The following FRMD4A variants were observed in gnomAD, a reference collection of about 807,000 sequenced individuals.
FRMD4A encodes the protein FERM domain-containing protein 4A.
In FRMD4A, 29 loss-of-function variants were observed where a neutral mutation model predicts 129.1. The observed-to-expected ratio is 0.22, with a 90% confidence interval of 0.17 to 0.31. The LOEUF is 0.31. FRMD4A is among the 10% of genes least tolerant of loss of function. The pLI is 1.00. For missense variants in FRMD4A, 1,272 were observed against 1,375.8 expected (o/e 0.92, Z 1.19); for synonymous variants, 634 against 571.6 (o/e 1.11, Z -1.56).
chr10:14,182,308 G>C (rs754959957), intron 2 of FRMD4A, among the ~76,000 whole-genome samples: 11 of 152,210 alleles, frequency 7.2e-5, no homozygotes, highest in Non-Finnish European at 1.0e-4. Flanking sequence ...CGGAGGCTCA[G>C]GCAATGAAAT....
At chr10:13,693,402 A>G (rs943089) in intron 15 of FRMD4A, 411,319 of 509,542 alleles carry the variant, frequency 0.81, 170,167 homozygotes, top group Non-Finnish European at 0.86. Flanking sequence ...CGCAATTTCA[A>G]AAGGCACTGA....
At chr10:14,041,933 C>T (rs931336030) in intron 2 of FRMD4A, among the ~76,000 whole-genome samples, 15 of 152,150 alleles carry the variant, frequency 9.9e-5, no homozygotes, top group African/African-American at 1.7e-4. Context: ...GTGACTGAAA[C>T]GAGCACAGGG....
At chr10:13,850,941 G>T (rs1394285944) in intron 3 of FRMD4A, among the ~76,000 whole-genome samples, 1 of 152,260 alleles carries the variant, frequency 6.6e-6, no homozygotes, top group East Asian at 1.9e-4. Context: ...TAGGCCAGGT[G>T]TAGTGGCTCA....
intron 3 of FRMD4A, among the ~76,000 whole-genome samples, chr10:13,814,013 G>T (rs957105817): frequency 1.3e-5 from 2 of 152,180 alleles, no homozygotes; most frequent in Admixed American, 1.3e-4. Context: ...TTTTGGGTTT[G>T]CCCTTGAGGC....
At chr10:13,954,348 G>A (rs1310811799) in intron 2 of FRMD4A, among the ~76,000 whole-genome samples, 2 of 152,186 alleles carry the variant, frequency 1.3e-5, no homozygotes, top group African/African-American at 2.4e-5. Context: ...AAGGCAAAAG[G>A]CATGTCTTAC....
intron 2 of FRMD4A, among the ~76,000 whole-genome samples, chr10:14,280,821 ATAT>A (rs1316626594): frequency 6.6e-6 from 1 of 151,906 alleles, no homozygotes; most frequent in Admixed American, 6.6e-5. Flanking sequence ...TTCTCTATTG[ATAT>A]TGTTGTTGTT....
chr10:14,142,353 A>C (rs969039760), intron 2 of FRMD4A, among the ~76,000 whole-genome samples: 1 of 152,202 alleles, frequency 6.6e-6, no homozygotes, highest in Non-Finnish European at 1.5e-5. Flanking sequence ...ACTGTCAGGC[A>C]ATTTAAGCAG....
At chr10:13,814,644 A>G (rs1323351266) in intron 3 of FRMD4A, among the ~76,000 whole-genome samples, 2 of 151,150 alleles carry the variant, frequency 1.3e-5, no homozygotes. Flanking sequence ...AAAAAGAAAG[A>G]AAGAAAGAGA....
intron 15 of FRMD4A, among the ~76,000 whole-genome samples, chr10:13,676,936 A>T (rs1464751158): frequency 1.3e-5 from 2 of 152,182 alleles, no homozygotes; most frequent in African/African-American, 2.4e-5. Context: ...ATTTTAGTAA[A>T]CAGATGAGAG....
chr10:14,114,845 C>T (rs746836439), intron 2 of FRMD4A, among the ~76,000 whole-genome samples: 1 of 152,316 alleles, frequency 6.6e-6, no homozygotes, highest in East Asian at 1.9e-4. Flanking sequence ...CCCATTTAAG[C>T]TACTGGGATT....
At chr10:13,995,950 C>T (rs1268065283) in intron 2 of FRMD4A, among the ~76,000 whole-genome samples, 1 of 152,084 alleles carries the variant, frequency 6.6e-6, no homozygotes, top group African/African-American at 2.4e-5. Context: ...CTTAGCCTCT[C>T]CATGCTGCTA....
chr10:14,119,295 C>T (rs772745856), intron 2 of FRMD4A, among the ~76,000 whole-genome samples: 3 of 152,110 alleles, frequency 2.0e-5, no homozygotes, highest in Non-Finnish European at 2.9e-5. Context: ...GCAAAGTGAG[C>T]GGTTCATATG....
chr10:13,758,937 A>G (rs2091962513), intron 8 of FRMD4A, among the ~76,000 whole-genome samples: 3 of 152,196 alleles, frequency 2.0e-5, no homozygotes, highest in Non-Finnish European at 2.9e-5. Context: ...AATGTGGTCA[A>G]TTTCGACGTG....
At chr10:14,115,345 CTT>C (rs1838145576) in intron 2 of FRMD4A, among the ~76,000 whole-genome samples, 1 of 152,322 alleles carries the variant, frequency 6.6e-6, no homozygotes, top group African/African-American at 2.4e-5. Context: ...CCTCTTATCA[CTT>C]ATTTCATAGC....
At chr10:13,857,592 A>G (rs892587004) in intron 3 of FRMD4A, among the ~76,000 whole-genome samples, 1 of 152,142 alleles carries the variant, frequency 6.6e-6, no homozygotes, top group Admixed American at 6.5e-5. Flanking sequence ...AACATTTTCA[A>G]TTCCAAGCAG....
intron 2 of FRMD4A, among the ~76,000 whole-genome samples, chr10:14,067,485 C>G (rs1359514194): frequency 6.6e-6 from 1 of 152,000 alleles, no homozygotes; most frequent in Non-Finnish European, 1.5e-5. Flanking sequence ...TAGGAAATAG[C>G]ATCAATATAT....
At chr10:13,827,945 C>G (rs1050301069) in intron 3 of FRMD4A, among the ~76,000 whole-genome samples, 1 of 152,218 alleles carries the variant, frequency 6.6e-6, no homozygotes, top group Non-Finnish European at 1.5e-5. Flanking sequence ...TCCCCTGTCT[C>G]TACTGCCCAA....
At chr10:14,160,014 C>T in intron 2 of FRMD4A, among the ~76,000 whole-genome samples, 1 of 152,168 alleles carries the variant, frequency 6.6e-6, no homozygotes, top group Non-Finnish European at 1.5e-5. Flanking sequence ...CATGCCACTG[C>T]ACTCCAGCCT....
intron 15 of FRMD4A, among the ~76,000 whole-genome samples, chr10:13,681,137 C>T (rs988414234): frequency 1.3e-5 from 2 of 152,200 alleles, no homozygotes; most frequent in African/African-American, 4.8e-5. Flanking sequence ...ATTTTTACAA[C>T]AGGCATCTTA....
Sources: allele counts gnomAD v4.1 joint callset (sites outside exome capture counted in the v4.1 genomes callset), GRCh38; gene constraint gnomAD v4.1.1; transcripts MANE v1.5; gene names NCBI Gene and HGNC (gene_info 2026-07-23, HGNC 2026-07-21).